Variants in PABPC4L observed in about 807,000 individuals in gnomAD.
PABPC4L encodes the protein poly(A) binding protein cytoplasmic 4 like.
For synonymous variants in PABPC4L, 169 were observed against 164.1 expected, an observed-to-expected ratio of 1.03 and a Z score of -0.23; for missense variants, 452 against 451.4, an observed-to-expected ratio of 1.00 and a Z score of -0.01.
At chr4:134,043,225 A>G in the PABPC4L span, among the ~76,000 whole-genome samples, 4 of 152,158 alleles carry the variant, frequency 2.6e-5, no homozygotes, top group African/African-American at 9.7e-5. Context: ...TCTCCATGAT[A>G]CTAACCACAG....
chr4:134,014,257 C>T, the PABPC4L span, among the ~76,000 whole-genome samples: 2 of 152,168 alleles, frequency 1.3e-5, no homozygotes, highest in Non-Finnish European at 2.9e-5. Flanking sequence ...CTTAATTAAC[C>T]TCACCTTCAA....
the PABPC4L span, among the ~76,000 whole-genome samples, chr4:134,025,115 G>A: frequency 2.0e-5 from 3 of 150,566 alleles, no homozygotes; most frequent in South Asian, 6.3e-4. Context: ...TAGATCATTT[G>A]AGGTCAATAG....
the PABPC4L span, among the ~76,000 whole-genome samples, chr4:134,158,943 A>G: frequency 4.1e-4 from 63 of 152,310 alleles, no homozygotes; most frequent in African/African-American, 1.4e-3. Context: ...TATATTGAAT[A>G]CTTGTAGGTA....
At chr4:134,146,687 G>A in the PABPC4L span, among the ~76,000 whole-genome samples, 1 of 152,030 alleles carries the variant, frequency 6.6e-6, no homozygotes, top group Non-Finnish European at 1.5e-5. Context: ...TCAGAATCAA[G>A]AGGGTACCCA....
the PABPC4L span, among the ~76,000 whole-genome samples, chr4:133,973,780 C>T: frequency 6.6e-6 from 1 of 152,168 alleles, no homozygotes; most frequent in Non-Finnish European, 1.5e-5. Context: ...CAAAAACAGT[C>T]AGCTGCCATT....
At chr4:134,064,951 A>G in the PABPC4L span, among the ~76,000 whole-genome samples, 1 of 152,020 alleles carries the variant, frequency 6.6e-6, no homozygotes, top group African/African-American at 2.4e-5. Flanking sequence ...GCTGTGTAGT[A>G]TCCCATGGTC....
chr4:134,064,626 A>T, the PABPC4L span, among the ~76,000 whole-genome samples: 1 of 152,072 alleles, frequency 6.6e-6, no homozygotes, highest in Admixed American at 6.6e-5. Context: ...TAGGTTCAGC[A>T]TACACGTAGA....
chr4:134,007,645 C>T, the PABPC4L span, among the ~76,000 whole-genome samples: 3 of 151,570 alleles, frequency 2.0e-5, no homozygotes, highest in Non-Finnish European at 4.4e-5. Flanking sequence ...ATAATCTGAG[C>T]CCATGAGCCT....
chr4:134,060,387 A>G, the PABPC4L span, among the ~76,000 whole-genome samples: 2 of 151,710 alleles, frequency 1.3e-5, no homozygotes, highest in Non-Finnish European at 2.9e-5. Context: ...ACTTGTGCCA[A>G]CACTCCCTGA....
the PABPC4L span, among the ~76,000 whole-genome samples, chr4:133,952,923 G>A: frequency 4.6e-5 from 7 of 152,052 alleles, no homozygotes; most frequent in Non-Finnish European, 8.8e-5. Flanking sequence ...CCTTCACCCC[G>A]ATACTGTTAA....
the PABPC4L span, among the ~76,000 whole-genome samples, chr4:134,172,494 A>C: frequency 6.6e-6 from 1 of 152,230 alleles, no homozygotes; most frequent in South Asian, 2.1e-4. Context: ...TCCTTACACC[A>C]TATGCAAAAA....
At chr4:134,192,456 C>T (rs1171992020), downstream of PABPC4L, among the ~76,000 whole-genome samples, 3 of 151,930 alleles carry the variant, frequency 2.0e-5, no homozygotes, top group Non-Finnish European at 4.4e-5. Context: ...AATTAAATAG[C>T]GGTGATTTTG....
chr4:134,065,050 T>A, the PABPC4L span, among the ~76,000 whole-genome samples: 1 of 152,126 alleles, frequency 6.6e-6, no homozygotes, highest in East Asian at 1.9e-4. Flanking sequence ...AGTGCAGTGA[T>A]GAACATGAGT....
chr4:134,011,346 T>C, the PABPC4L span, among the ~76,000 whole-genome samples: 1 of 151,938 alleles, frequency 6.6e-6, no homozygotes, highest in African/African-American at 2.4e-5. Context: ...TCATAGAAAG[T>C]AAAAGAATGA....
the PABPC4L span, among the ~76,000 whole-genome samples, chr4:134,158,307 T>C: frequency 3.3e-5 from 5 of 152,056 alleles, no homozygotes; most frequent in African/African-American, 1.2e-4. Context: ...TTTATTGTCT[T>C]CTTTATATCT....
chr4:134,093,181 A>G, the PABPC4L span, among the ~76,000 whole-genome samples: 1 of 147,450 alleles, frequency 6.8e-6, no homozygotes, highest in Non-Finnish European at 1.5e-5. Context: ...TGCTTTTTCT[A>G]TTCTCTAACA....
chr4:134,082,582 T>C, the PABPC4L span, among the ~76,000 whole-genome samples: 1 of 152,108 alleles, frequency 6.6e-6, no homozygotes, highest in Non-Finnish European at 1.5e-5. Context: ...AAGTTTATTA[T>C]AGAAAATTGT....
chr4:134,049,843 G>T, the PABPC4L span, among the ~76,000 whole-genome samples: 1 of 152,150 alleles, frequency 6.6e-6, no homozygotes, highest in Non-Finnish European at 1.5e-5. Flanking sequence ...AATGGTAAAT[G>T]AGACTAACTC....
At chr4:134,193,584 A>G (rs533209710), downstream of PABPC4L, among the ~76,000 whole-genome samples, 5 of 152,006 alleles carry the variant, frequency 3.3e-5, no homozygotes, top group East Asian at 9.7e-4. Flanking sequence ...AAAGAAGATC[A>G]TTTACATATT....
Sources: gnomAD v4.1 joint callset for allele counts (sites outside exome capture counted in the v4.1 genomes callset) on GRCh38, gnomAD v4.1.1 for gene constraint, MANE v1.5 for transcripts, NCBI Gene and HGNC (gene_info 2026-07-23, HGNC 2026-07-21) for gene names.